PAPPA2: variants seen among roughly 807,000 people sequenced by gnomAD.
The protein encoded by PAPPA2 is pappalysin 2.
PAPPA2 carries 86 observed loss-of-function variants against 176.4 expected under a neutral mutation model. That is an observed-to-expected ratio of 0.49 (90% CI 0.41 to 0.58). PAPPA2 has a LOEUF of 0.58. Among genes scored for constraint, PAPPA2 ranks in the 20% least tolerant of loss-of-function variants. The pLI, the probability that PAPPA2 is intolerant of heterozygous loss-of-function variation, is 0.00. For missense variants in PAPPA2, 2,073 were observed against 2,256.9 expected (o/e 0.92, Z 1.65); for synonymous variants, 809 against 852.2 (o/e 0.95, Z 0.88).
intron 21 of PAPPA2, among the ~76,000 whole-genome samples, chr1:176,822,976 A>C (rs1666722156): frequency 6.6e-6 from 1 of 152,192 alleles, no homozygotes; most frequent in African/African-American, 2.4e-5. Context: ...TCTTCTTCAA[A>C]ACTTCTTTAT....
At chr1:176,683,902 T>C (rs1659709137) in intron 4 of PAPPA2, among the ~76,000 whole-genome samples, 1 of 152,174 alleles carries the variant, frequency 6.6e-6, no homozygotes, top group African/African-American at 2.4e-5. Context: ...CAATCAACTT[T>C]ATTGGACCCA....
intron 1 of PAPPA2, among the ~76,000 whole-genome samples, chr1:176,526,863 G>C (rs1000425669): frequency 6.6e-6 from 1 of 152,200 alleles, no homozygotes; most frequent in Non-Finnish European, 1.5e-5. Context: ...TGCTTGTCCC[G>C]CCAGAGATTC....
intron 1 of PAPPA2, among the ~76,000 whole-genome samples, chr1:176,533,797 T>C (rs1317973838): frequency 6.6e-6 from 1 of 152,220 alleles, no homozygotes; most frequent in Non-Finnish European, 1.5e-5. Context: ...CTGATGGTGC[T>C]GCTCTCTGGA....
Position 176,543,689 on chromosome 1 carries a change from T to C in PAPPA2, c.-916-11718T>C, listed in dbSNP as rs532420858. On this transcript the variant is annotated intron_variant, in intron 1 of 22. Transcript: ENST00000367662. The stretch of plus-strand genomic sequence containing the variant: ...ATGGTGGAAGGACTGAGAGTGTTCT[T>C]GTGGCACAAATTGTCTGTCAGGGAT... Among the ~76,000 whole-genome samples, 6 of 152,302 alleles carry C rather than the reference T, an allele frequency of 3.9e-5. No individual in the cohort carries two copies. The East Asian group carries it at 1.2e-3, about 29-fold the overall frequency.
intron 3 of PAPPA2, among the ~76,000 whole-genome samples, chr1:176,625,378 A>T (rs1197131546): frequency 1.3e-5 from 2 of 152,216 alleles, no homozygotes; most frequent in Non-Finnish European, 2.9e-5. Flanking sequence ...ACACCCTGCC[A>T]GATTAGACCT....
chr1:176,660,522 G>C (rs1375945218), intron 3 of PAPPA2, among the ~76,000 whole-genome samples: 1 of 152,078 alleles, frequency 6.6e-6, no homozygotes, highest in African/African-American at 2.4e-5. Flanking sequence ...ATTACTGAAT[G>C]AAATAGGGGC....
intron 1 of PAPPA2, among the ~76,000 whole-genome samples, chr1:176,503,003 C>T (rs1014802990): frequency 6.6e-6 from 1 of 152,096 alleles, no homozygotes; most frequent in Admixed American, 6.6e-5. Context: ...CTGCAAATTT[C>T]GTGGTTTAAA....
intron 20 of PAPPA2, among the ~76,000 whole-genome samples, 169 bp from the exon 21 acceptor site, chr1:176,799,892 T>C (rs78384640): frequency 0.052 from 7,907 of 152,258 alleles, 252 homozygotes; most frequent in South Asian, 0.16. Context: ...GGGTGGGCAG[T>C]GTGCACGGGA....
intron 1 of PAPPA2, among the ~76,000 whole-genome samples, chr1:176,537,719 AGTGTGTGTGTGT>A (rs57602344): frequency 7.0e-6 from 1 of 143,828 alleles, no homozygotes; most frequent in African/African-American, 2.6e-5. Flanking sequence ...GTAGGTATGG[AGTGTGTGTGTGT>A]GTGTGTGTGT....
chr1:176,722,224 A>G (rs1300107039), intron 12 of PAPPA2, among the ~76,000 whole-genome samples: 1 of 151,950 alleles, frequency 6.6e-6, no homozygotes, highest in East Asian at 1.9e-4. Flanking sequence ...AAAACATCGT[A>G]TTTATTTGGG....
Position 176,594,913 on chromosome 1 carries a change from C to T in PAPPA2, c.1309C>T (p.His437Tyr), listed in dbSNP as rs1653877458. Residue 437 changes from histidine to tyrosine, a missense_variant, in exon 3 of 23, where the codon CAT becomes TAT. By Grantham distance (83) the His-to-Tyr change is moderately conservative. Around this residue, in one of 4 missense-constraint regions of PAPPA2, gnomAD observed 1,196 missense variants for 1,330.4 expected, o/e 0.90. Transcript: ENST00000367662. ...VFWSTALPQS[H>Y]FQHSSQHSSG... The stretch of plus-strand genomic sequence containing the variant: ...CTGGTCGACCGCCCTGCCACAAAGC[C>T]ATTTTCAGCACAGTTCTCAGCATTC... 2 of 1,614,072 alleles carry T rather than the reference C, an allele frequency of 1.2e-6. No homozygotes were observed. Among genetic ancestry groups the T allele is most frequent in the Admixed American group, 1.7e-5 (1 of 60,008 alleles).
intron 12 of PAPPA2, among the ~76,000 whole-genome samples, chr1:176,723,705 A>G (rs892830231): frequency 3.9e-5 from 6 of 152,150 alleles, no homozygotes; most frequent in African/African-American, 1.4e-4. Context: ...AAAAAATTCT[A>G]TCATTTTAGT....
chr1:176,767,211 A>G (rs775802983), intron 15 of PAPPA2, among the ~76,000 whole-genome samples: 1 of 152,250 alleles, frequency 6.6e-6, no homozygotes, highest in Non-Finnish European at 1.5e-5. Context: ...TCCACTCGTG[A>G]TAGGTGAAGA....
At chr1:176,606,483 T>C (rs1397040473) in intron 3 of PAPPA2, among the ~76,000 whole-genome samples, 1 of 152,160 alleles carries the variant, frequency 6.6e-6, no homozygotes, top group Non-Finnish European at 1.5e-5. Context: ...TTTCTTTTTT[T>C]AGATGGAGTC....
At chr1:176,772,179 C>G (rs1228209077) in intron 17 of PAPPA2, among the ~76,000 whole-genome samples, 1 of 152,012 alleles carries the variant, frequency 6.6e-6, no homozygotes, top group Non-Finnish European at 1.5e-5. Context: ...TCTGAGTGAA[C>G]AAAAAGCTTT....
At chr1:176,698,980 A>G in intron 7 of PAPPA2, 120 bp from the exon 8 acceptor site, 2 of 1,322,448 alleles carry the variant, frequency 1.5e-6, no homozygotes, top group East Asian at 2.3e-5. Context: ...TAAGATGACC[A>G]ACTTCTACAG....
chr1:176,628,874 A>C (rs2102705271), intron 3 of PAPPA2, among the ~76,000 whole-genome samples: 1 of 152,336 alleles, frequency 6.6e-6, no homozygotes, highest in Non-Finnish European at 1.5e-5. Flanking sequence ...GCTCTTCACA[A>C]GATATATTGC....
intron 14 of PAPPA2, among the ~76,000 whole-genome samples, chr1:176,745,761 G>A (rs1014910742): frequency 2.6e-5 from 4 of 152,228 alleles, no homozygotes; most frequent in African/African-American, 9.6e-5. Flanking sequence ...TGGAGGAGGT[G>A]CAGCTGTGGA....
chr1:176,538,251 C>A (rs1285467594), intron 1 of PAPPA2, among the ~76,000 whole-genome samples: 1 of 152,184 alleles, frequency 6.6e-6, no homozygotes, highest in Non-Finnish European at 1.5e-5. Flanking sequence ...GACCCCAGGA[C>A]CATCACTCTT....
Sources: gnomAD v4.1 joint callset for allele counts (sites outside exome capture counted in the v4.1 genomes callset) on GRCh38, gnomAD v4.1.1 for gene constraint, gnomAD v4.1.1 regional missense constraint, MANE v1.5 for transcripts, NCBI Gene and HGNC (gene_info 2026-07-23, HGNC 2026-07-21) for gene names.